Variants in NTRK2 observed in about 807,000 individuals in gnomAD.
The protein encoded by NTRK2 is neurotrophic receptor tyrosine kinase 2, also known as BDNF/NT-3 growth factors receptor.
A neutral mutation model predicts 94.5 loss-of-function variants in NTRK2; 13 were observed. The ratio of observed to expected loss-of-function variants is 0.14; its 90% CI spans 0.09 to 0.22. The LOEUF (loss-of-function observed/expected upper bound fraction) is 0.22. NTRK2 is among the 10% of genes least tolerant of loss of function. The probability of loss-of-function intolerance (pLI) is 1.00; values close to 1 mark genes in which losing one functional copy is unlikely to be tolerated. For synonymous variants in NTRK2, 372 were observed against 407.4 expected, an observed-to-expected ratio of 0.91 and a Z score of 1.05; for missense variants, 639 against 1,071.2, an observed-to-expected ratio of 0.60 and a Z score of 5.63.
intron 6 of NTRK2, among the ~76,000 whole-genome samples, chr9:84,717,473 A>T (rs1715076343): frequency 3.3e-5 from 5 of 152,236 alleles, no homozygotes; most frequent in Admixed American, 3.3e-4. Flanking sequence ...GGAAGCAGAG[A>T]CATGGAAGAT....
chr9:84,693,164 C>T (rs926773197), intron 2 of NTRK2, among the ~76,000 whole-genome samples: 1 of 152,182 alleles, frequency 6.6e-6, no homozygotes, highest in African/African-American at 2.4e-5. Flanking sequence ...AAATAAAGCA[C>T]CCTTGTTGGT....
intron 14 of NTRK2, among the ~76,000 whole-genome samples, chr9:84,905,107 G>C (rs1167287557): frequency 6.6e-6 from 1 of 152,204 alleles, no homozygotes; most frequent in African/African-American, 2.4e-5. Flanking sequence ...GCTAGGTAGA[G>C]TTATCTTTAT....
At chr9:84,746,085 T>C (rs1329527393) in intron 11 of NTRK2, among the ~76,000 whole-genome samples, 1 of 152,174 alleles carries the variant, frequency 6.6e-6, no homozygotes, top group Non-Finnish European at 1.5e-5. Flanking sequence ...ACCCAGGGGT[T>C]GGCAAACTAT....
chr9:84,706,914 C>T (rs981549468), intron 4 of NTRK2, among the ~76,000 whole-genome samples: 3 of 152,052 alleles, frequency 2.0e-5, no homozygotes, highest in Non-Finnish European at 2.9e-5. Context: ...TGACTTCCTC[C>T]GGTTTGTAGA....
At chr9:84,707,459 A>C (rs2061177026) in intron 4 of NTRK2, among the ~76,000 whole-genome samples, 1 of 152,182 alleles carries the variant, frequency 6.6e-6, no homozygotes, top group African/African-American at 2.4e-5. Flanking sequence ...GTTTTAAGGC[A>C]TATTTTTTCC....
intron 2 of NTRK2, among the ~76,000 whole-genome samples, chr9:84,688,794 T>C (rs1442964932): frequency 1.3e-5 from 2 of 152,236 alleles, no homozygotes; most frequent in Non-Finnish European, 2.9e-5. Context: ...TCTTTTTTCC[T>C]GAATTGAAAA....
chr9:84,806,172 G>A (rs2071088004), intron 12 of NTRK2, among the ~76,000 whole-genome samples: 1 of 152,150 alleles, frequency 6.6e-6, no homozygotes, highest in African/African-American at 2.4e-5. Flanking sequence ...TCCTCCTGTG[G>A]GATGAAGTCT....
At chr9:84,708,633 A>G (rs934456992) in intron 5 of NTRK2, among the ~76,000 whole-genome samples, 1 of 152,196 alleles carries the variant, frequency 6.6e-6, no homozygotes, top group Non-Finnish European at 1.5e-5. Flanking sequence ...TGTGGGGCAG[A>G]TGTGGGCCCA....
intron 16 of NTRK2, among the ~76,000 whole-genome samples, chr9:84,948,882 C>T (rs140832613): frequency 1.8e-4 from 28 of 152,302 alleles, no homozygotes; most frequent in African/African-American, 5.1e-4. Context: ...ATTCACTGAA[C>T]ATTTGCTACA....
At chr9:84,996,283 A>C (rs913866680) in intron 17 of NTRK2, among the ~76,000 whole-genome samples, 2 of 152,258 alleles carry the variant, frequency 1.3e-5, no homozygotes, top group African/African-American at 4.8e-5. Context: ...AGACGTTGCT[A>C]TGATAAGACT....
intron 14 of NTRK2, among the ~76,000 whole-genome samples, chr9:84,906,507 C>T (rs1377055015): frequency 2.0e-5 from 3 of 152,200 alleles, no homozygotes; most frequent in Non-Finnish European, 4.4e-5. Flanking sequence ...CGAAGGCCCC[C>T]ATGCAGTCAG....
chr9:84,916,927 C>A (rs1403671153), intron 14 of NTRK2, among the ~76,000 whole-genome samples: 1 of 152,102 alleles, frequency 6.6e-6, no homozygotes, highest in Non-Finnish European at 1.5e-5. Flanking sequence ...TTGCTCCTAC[C>A]ATAAAATTAA....
chr9:84,988,130 A>C (rs112286894), intron 17 of NTRK2, among the ~76,000 whole-genome samples: 83 of 152,316 alleles, frequency 5.4e-4, no homozygotes, highest in African/African-American at 1.9e-3. Context: ...TGCCACAAAG[A>C]AGCTTGAGCT....
intron 17 of NTRK2, among the ~76,000 whole-genome samples, chr9:84,994,421 A>G (rs1291154619): frequency 6.6e-6 from 1 of 152,210 alleles, no homozygotes; most frequent in African/African-American, 2.4e-5. Flanking sequence ...GAATCCCATA[A>G]AAACGAAAGT....
At chr9:84,903,089 G>A (rs79754836) in intron 14 of NTRK2, among the ~76,000 whole-genome samples, 9,472 of 152,180 alleles carry the variant, frequency 0.062, 338 homozygotes, top group Admixed American at 0.097. Flanking sequence ...ATCTGTACAC[G>A]TAACTATTTT....
In NTRK2 at chr9:84,872,137, TC is replaced by T; in HGVS notation, c.1633+4707del. On this transcript the variant is annotated intron_variant, in intron 14 of 18. Coordinates refer to ENST00000277120, the MANE Select transcript of NTRK2 (RefSeq NM_006180.6). Reference sequence around the variant, plus strand: ...GGAGTTGGTCTTTAACTCAACTAGCTCGTTTAGACGTGTCTGAACACCACAT... The same window carrying T: ...GGAGTTGGTCTTTAACTCAACTAGCTGTTTAGACGTGTCTGAACACCACAT... 3 of 1,274,576 alleles carry T rather than the reference TC, an allele frequency of 2.4e-6. No homozygotes were observed. The South Asian group carries it at 5.4e-5, about 23-fold the overall frequency. 79.0% of individuals were successfully genotyped at this position (1,274,576 alleles called of 1,614,324 possible). A position where few individuals can be genotyped will look rare whatever the true frequency, so the allele number is the denominator to read the frequency against.
chr9:84,813,045 C>A, intron 12 of NTRK2: 2 of 1,037,704 alleles, frequency 1.9e-6, no homozygotes, highest in Non-Finnish European at 2.3e-6. Context: ...CTTTTTATGT[C>A]TCCCATAAGA....
intron 14 of NTRK2, among the ~76,000 whole-genome samples, chr9:84,903,326 C>T (rs569397430): frequency 1.9e-4 from 29 of 152,174 alleles, no homozygotes; most frequent in South Asian, 4.2e-4. Context: ...CTTTTGCTGC[C>T]GGGTTGATGT....
chr9:84,990,502 G>C (rs753611070), intron 17 of NTRK2, among the ~76,000 whole-genome samples: 32 of 152,198 alleles, frequency 2.1e-4, no homozygotes, highest in Non-Finnish European at 2.9e-4. Context: ...TGACTTGGAT[G>C]TTAAGCGAGC....
Sources: allele counts gnomAD v4.1 joint callset (sites outside exome capture counted in the v4.1 genomes callset), GRCh38; gene constraint gnomAD v4.1.1; transcripts MANE v1.5; gene names NCBI Gene and HGNC (gene_info 2026-07-23, HGNC 2026-07-21).